MACROD2: variants seen among roughly 807,000 people sequenced by gnomAD.
MACROD2 encodes mono-ADP ribosylhydrolase 2.
Under a neutral mutation model 70.4 loss-of-function variants are expected in MACROD2, and 36 were observed. The ratio of observed to expected loss-of-function variants is 0.51; its 90% CI spans 0.39 to 0.68. MACROD2 has a LOEUF of 0.68. MACROD2 is among the 30% of genes least tolerant of loss of function. The pLI, the probability that MACROD2 is intolerant of heterozygous loss-of-function variation, is 0.00. For missense variants in MACROD2, 496 were observed against 538.4 expected (o/e 0.92, Z 0.78); for synonymous variants, 172 against 178.8 (o/e 0.96, Z 0.30).
At chr20:15,740,775 C>T (rs951634486) in intron 8 of MACROD2, among the ~76,000 whole-genome samples, 1 of 151,482 alleles carries the variant, frequency 6.6e-6, no homozygotes, top group Non-Finnish European at 1.5e-5. Flanking sequence ...ACAACTCTTA[C>T]TGTCACTCTT....
At chr20:14,969,171 A>G (rs1387764936) in intron 5 of MACROD2, among the ~76,000 whole-genome samples, 1 of 151,596 alleles carries the variant, frequency 6.6e-6, no homozygotes, top group Non-Finnish European at 1.5e-5. Flanking sequence ...TTATATATAT[A>G]TATATATAAA....
At chr20:14,468,521 G>C (rs1168073921) in intron 3 of MACROD2, among the ~76,000 whole-genome samples, 1 of 149,010 alleles carries the variant, frequency 6.7e-6, no homozygotes, top group Non-Finnish European at 1.5e-5. Flanking sequence ...TTTTTTGGGG[G>C]GGGGCGTTGG....
At chr20:14,292,877 C>T (rs1025596656) in intron 3 of MACROD2, among the ~76,000 whole-genome samples, 12 of 151,826 alleles carry the variant, frequency 7.9e-5, no homozygotes, top group Admixed American at 2.0e-4. Context: ...TCAGGTGATC[C>T]GCCTGCCTTG....
chr20:14,251,609 T>G (rs988296636), intron 3 of MACROD2, among the ~76,000 whole-genome samples: 2 of 152,072 alleles, frequency 1.3e-5, no homozygotes, highest in Non-Finnish European at 2.9e-5. Flanking sequence ...AGCCAAAATA[T>G]TACCACTAGC....
At chr20:16,039,688 AT>A (rs1443263556) in intron 15 of MACROD2, among the ~76,000 whole-genome samples, 1 of 151,974 alleles carries the variant, frequency 6.6e-6, no homozygotes, top group Non-Finnish European at 1.5e-5. Context: ...TTCAAGGAGT[AT>A]GTTGATGAAC....
At chr20:14,048,218 A>G (rs2053506936) in intron 2 of MACROD2, among the ~76,000 whole-genome samples, 2 of 152,204 alleles carry the variant, frequency 1.3e-5, no homozygotes, top group Admixed American at 6.5e-5. Flanking sequence ...TCAGACTCAG[A>G]TCCATCTCCC....
intron 5 of MACROD2, among the ~76,000 whole-genome samples, chr20:14,790,969 G>T (rs956553385): frequency 6.6e-6 from 1 of 152,000 alleles, no homozygotes; most frequent in African/African-American, 2.4e-5. Flanking sequence ...GCAGAACATC[G>T]ACAGCTACCA....
intron 6 of MACROD2, among the ~76,000 whole-genome samples, chr20:15,274,459 C>G (rs906645073): frequency 4.6e-5 from 7 of 152,194 alleles, no homozygotes; most frequent in African/African-American, 1.7e-4. Flanking sequence ...ACTCTAGAAA[C>G]AATAACATTG....
intron 2 of MACROD2, among the ~76,000 whole-genome samples, chr20:14,064,478 A>T (rs2053731570): frequency 6.6e-6 from 1 of 152,172 alleles, no homozygotes. Context: ...TGGCTCTCGC[A>T]CCTGCATTAC....
rs186049472 is a variant in MACROD2 at position 15,618,266 on chromosome 20, G to A, written c.645+118419G>A. Among the ~76,000 whole-genome samples the A allele has an allele frequency of 2.6e-3, 400 of 152,084 alleles. 3 individuals carry two copies. The highest frequency in any genetic ancestry group is 9.1e-3 in the African/African-American group (378 of 41,462). On this transcript the variant is annotated intron_variant, in intron 8 of 17. Coordinates refer to ENST00000684519, the MANE Select transcript of MACROD2 (RefSeq NM_001351661.2). The stretch of plus-strand genomic sequence containing the variant: ...GCTTTTTAAATGAATAACTAACATT[G>A]TGTTCTCAGCTAACTGCAGAACCAG...
At chr20:14,673,604 G>C (rs1204412950) in intron 4 of MACROD2, among the ~76,000 whole-genome samples, 1 of 152,070 alleles carries the variant, frequency 6.6e-6, no homozygotes, top group Non-Finnish European at 1.5e-5. Flanking sequence ...TCTTGAACTT[G>C]TTGAATTTCT....
chr20:15,288,295 T>C (rs1336039923), intron 6 of MACROD2, among the ~76,000 whole-genome samples: 2 of 152,184 alleles, frequency 1.3e-5, no homozygotes, highest in Non-Finnish European at 2.9e-5. Context: ...CAAGCTTCAT[T>C]TTCAGGCAGG....
intron 5 of MACROD2, among the ~76,000 whole-genome samples, chr20:14,797,261 G>A (rs115873051): frequency 0.013 from 2,037 of 152,066 alleles, 49 homozygotes; most frequent in African/African-American, 0.046. Flanking sequence ...TCAGAATGCC[G>A]TTTTCAAAAT....
intron 3 of MACROD2, among the ~76,000 whole-genome samples, chr20:14,086,985 C>T (rs1371542410): frequency 6.6e-6 from 1 of 152,146 alleles, no homozygotes; most frequent in Non-Finnish European, 1.5e-5. Flanking sequence ...AGTGCATTGG[C>T]AGGTGAACAG....
At chr20:15,023,538 C>A (rs1019467049) in intron 5 of MACROD2, among the ~76,000 whole-genome samples, 20 of 152,114 alleles carry the variant, frequency 1.3e-4, no homozygotes, top group Non-Finnish European at 2.5e-4. Context: ...CAAGACTGGG[C>A]AATTTATAAT....
intron 5 of MACROD2, among the ~76,000 whole-genome samples, chr20:14,709,808 A>T (rs1474206116): frequency 1.3e-5 from 2 of 152,184 alleles, no homozygotes; most frequent in African/African-American, 4.8e-5. Context: ...GACAATTAGA[A>T]GTTTTGATTC....
At chr20:15,678,063 G>GA (rs149010345) in intron 8 of MACROD2, among the ~76,000 whole-genome samples, 5,644 of 146,694 alleles carry the variant, frequency 0.038, 174 homozygotes, top group African/African-American at 0.091. Context: ...GACTCCATCT[G>GA]AAAAAAAAAA....
At chr20:15,071,425 C>T (rs1233546981) in intron 5 of MACROD2, among the ~76,000 whole-genome samples, 2 of 152,134 alleles carry the variant, frequency 1.3e-5, no homozygotes, top group African/African-American at 2.4e-5. Flanking sequence ...CAGATTCATG[C>T]CTTCCTTCCC....
intron 7 of MACROD2, among the ~76,000 whole-genome samples, chr20:15,489,234 G>A (rs553788466): frequency 6.6e-6 from 1 of 152,218 alleles, no homozygotes; most frequent in South Asian, 2.1e-4. Flanking sequence ...ATGAAAGAAT[G>A]GTGTGAAGAG....
Sources: gnomAD v4.1 joint callset for allele counts (sites outside exome capture counted in the v4.1 genomes callset) on GRCh38, gnomAD v4.1.1 for gene constraint, MANE v1.5 for transcripts, NCBI Gene and HGNC (gene_info 2026-07-23, HGNC 2026-07-21) for gene names.